PGC: variants seen among roughly 807,000 people sequenced by gnomAD.
The protein encoded by PGC is progastricsin.
PGC carries 31 observed loss-of-function variants against 45.9 expected under a neutral mutation model. That is an observed-to-expected ratio of 0.67 (90% CI 0.51 to 0.91). The LOEUF (loss-of-function observed/expected upper bound fraction) is 0.91, where lower values mean the gene tolerates loss of function less well. PGC is among the 40% of genes least tolerant of loss of function. The pLI is 0.00. For synonymous variants in PGC, 192 were observed against 201.8 expected (o/e 0.95, Z 0.41); for missense variants, 477 against 493.2 (o/e 0.97, Z 0.31).
At chr6:41,745,935 G>A (rs371959390) in intron 1 of PGC, among the ~76,000 whole-genome samples, 6 of 151,746 alleles carry the variant, frequency 4.0e-5, no homozygotes, top group African/African-American at 1.5e-4. Flanking sequence ...GGCCGAGGCG[G>A]GTGGATCACT....
At chr6:41,738,774 T>C (rs567340536) in intron 7 of PGC, among the ~76,000 whole-genome samples, 243 of 151,956 alleles carry the variant, frequency 1.6e-3, no homozygotes, top group Non-Finnish European at 1.6e-3. Context: ...CTGGCCAATA[T>C]GGTGAAACCT....
chr6:41,743,826 A>G (rs76178214), intron 3 of PGC, among the ~76,000 whole-genome samples: 105 of 152,332 alleles, frequency 6.9e-4, no homozygotes, highest in African/African-American at 2.5e-3. Flanking sequence ...GTCATAACAT[A>G]GGGTGGGGAC....
intron 7 of PGC, among the ~76,000 whole-genome samples, chr6:41,738,131 TGC>T (rs1771724108): frequency 7.5e-6 from 1 of 133,420 alleles, no homozygotes; most frequent in Non-Finnish European, 1.6e-5. Flanking sequence ...TACATATATA[TGC>T]ATATATATAT....
intron 1 of PGC, among the ~76,000 whole-genome samples, chr6:41,746,800 G>C (rs1298100177): frequency 6.6e-6 from 1 of 152,214 alleles, no homozygotes; most frequent in Non-Finnish European, 1.5e-5. Context: ...ATCTACTCCA[G>C]AGTTTTCTCC....
intron 3 of PGC, among the ~76,000 whole-genome samples, chr6:41,743,973 CT>C (rs773533073): frequency 3.3e-5 from 5 of 152,192 alleles, no homozygotes; most frequent in Non-Finnish European, 7.3e-5. Flanking sequence ...CTATATTGTT[CT>C]GTTGTGTCTC....
At position 41,747,381 on chromosome 6, in the gene PGC, T is replaced by C. The variant is rs1379163922; in HGVS notation, c.-47A>G. Reference sequence around the variant, plus strand: ...ACAGAGGAAGAGCAGCTCTGAGTTCTGCAGTCGCAGTGGAGTGAAGACCTG... The same window carrying C: ...ACAGAGGAAGAGCAGCTCTGAGTTCCGCAGTCGCAGTGGAGTGAAGACCTG... On this transcript the variant is annotated 5_prime_UTR_variant, in exon 1 of 9. Coordinates refer to ENST00000373025, the MANE Select transcript of PGC (RefSeq NM_002630.4). The C allele has an allele frequency of 2.6e-6, 4 of 1,545,748 alleles. No individual in the cohort carries two copies. Among genetic ancestry groups the C allele is most frequent in the African/African-American group, 2.7e-5 (2 of 73,528 alleles).
chr6:41,737,584 T>A (rs1561879256), intron 8 of PGC, 146 bp downstream of exon 8: 4 of 576,384 alleles, frequency 6.9e-6, no homozygotes, highest in Non-Finnish European at 1.3e-5. Context: ...GAGAAGGGGG[T>A]TTAGAATCAA....
chr6:41,743,199 G>A, intron 4 of PGC, 72 bp downstream of exon 4: 1 of 916,468 alleles, frequency 1.1e-6, no homozygotes, highest in Non-Finnish European at 1.8e-6. Context: ...CCGTGTTTCA[G>A]GAGAGTCCAT....
rs374783834 is a variant in PGC at position 41,740,610 on chromosome 6, G to C, written c.648C>G (p.Asn216Lys). 2 of 1,594,696 alleles carry C rather than the reference G, an allele frequency of 1.3e-6. No individual in the cohort carries two copies. The highest frequency in any genetic ancestry group is 2.7e-5 in the African/African-American group (2 of 73,756). Residue 216 changes from asparagine (N) to lysine (K), a missense_variant and splice_region_variant, in exon 6 of 9, where the codon AAC becomes AAG. Transcript: ENST00000373025. ...CCGCTCCCCCGCTGGAGCCCTGCTG[G>C]CTGCAGGAGAGAAAGGGAAGGGGAA... ...TSPVFSVYLS[N>K]QQGSSGGAVV...
At chr6:41,737,068 T>C in intron 8 of PGC, 64 bp from the exon 9 acceptor site, 1 of 1,494,396 alleles carries the variant, frequency 6.7e-7, no homozygotes, top group African/African-American at 1.4e-5. Flanking sequence ...CCTGCTCAGC[T>C]CTGAGCCCTG....
rs186012055 is a variant in PGC at position 41,742,415 on chromosome 6, C to T, written c.522G>A (p.Ala174=). The T allele has an allele frequency of 1.8e-5, 29 of 1,614,074 alleles. No individual in the cohort carries two copies. The highest frequency in any genetic ancestry group is 1.3e-4 in the African/African-American group (10 of 75,022). ...ENEPGTNFVY[A]QFDGIMGLAY... ...CCAGGCCCATGATGCCATCAAACTG[C>T]GCATAGACGAAGTTGGTACCAGGCT... Residue 174 remains alanine (A), a synonymous_variant, in exon 5 of 9, where the codon GCG becomes GCA. Coordinates refer to ENST00000373025, the MANE Select transcript of PGC (RefSeq NM_002630.4).
In PGC at chr6:41,743,318, A is replaced by T. The variant is rs1291284141; in HGVS notation, c.400T>A (p.Tyr134Asn). The stretch of plus-strand genomic sequence containing the variant: ...AAGCCGGTGAGGCTGCCACTGCCAT[A>T]CTGCAGGGAGAAGGTCTGCCCATTG... ...STNGQTFSLQ[Y>N]GSGSLTGFFG... The change falls in exon 4 of 9, where the codon TAT (tyrosine) becomes AAT (asparagine). Residue 134 changes from tyrosine (Y) to asparagine (N), a missense_variant. By Grantham distance (143) the Tyr-to-Asn change is moderately radical. Coordinates refer to ENST00000373025, the MANE Select transcript of PGC (RefSeq NM_002630.4). 1 of 1,613,898 alleles carries T rather than the reference A, an allele frequency of 6.2e-7. No individual in the cohort carries two copies. Among genetic ancestry groups the T allele is most frequent in the African/African-American group, 1.3e-5 (1 of 74,910 alleles).
At chr6:41,738,229 T>C (rs372966315) in intron 7 of PGC, among the ~76,000 whole-genome samples, 199 of 12,658 alleles carry the variant, frequency 0.016, 12 homozygotes, top group Non-Finnish European at 0.027. Context: ...TATATATGCA[T>C]ATATATATGT....
intron 5 of PGC, 51 bp downstream of exon 5, chr6:41,742,239 G>C (rs764115969): frequency 6.5e-7 from 1 of 1,537,954 alleles, no homozygotes; most frequent in Non-Finnish European, 9.0e-7. Context: ...GTCGTCCAGG[G>C]CGGCCGGGGG....
Position 41,747,265 on chromosome 6 carries a change from C to T in PGC, c.59+11G>A, listed in dbSNP as rs1476986042. 3.1e-6 allele frequency: 5 copies of T among 1,612,708 alleles called. No homozygotes were observed. Among genetic ancestry groups the T allele is most frequent in the Admixed American group, 3.3e-5 (2 of 59,994 alleles). ...AGGCTCCCTGCACCAGCAGCCAGAT[C>T]CCAGACTCACTTGACCACTGCTGCC... On this transcript the variant is annotated intron_variant, in intron 1 of 8. Coordinates refer to ENST00000373025, the MANE Select transcript of PGC (RefSeq NM_002630.4).
chr6:41,741,372 G>C, intron 5 of PGC: 1 of 720,476 alleles, frequency 1.4e-6, no homozygotes, highest in Non-Finnish European at 2.2e-6. Context: ...AAGGCCGGGC[G>C]CAGTGGCTCA....
Position 41,738,205 on chromosome 6 carries a change from T to TATATATATGC in PGC, c.916-387_916-378dup, listed in dbSNP as rs1561879858. Reference sequence around the variant, plus strand: ...ATATATATATGCATATATATATGCATATATATATGCATATATATATGCATA... The same window carrying TATATATATGC: ...ATATATATATGCATATATATATGCATATATATATGCATATATATGCATATATATATGCATA... On this transcript the variant is annotated intron_variant, in intron 7 of 8. Transcript: ENST00000373025. Among the ~76,000 whole-genome samples, 104 of 63,356 alleles carry TATATATATGC rather than the reference T, an allele frequency of 1.6e-3. 9 individuals are homozygous for TATATATATGC. Among genetic ancestry groups the TATATATATGC allele is most frequent in the Middle Eastern group, 0.019 (2 of 106 alleles). 41.6% of individuals were successfully genotyped at this position (63,356 alleles called of 152,430 possible).
rs1021879703 is a variant in PGC at position 41,744,601 on chromosome 6, C to T, written c.210+57G>A. ...GGGCAGAGGAGTGAAGGGACCTGCC[C>T]CTTCCCTCCAGCCCACACCAGAGAG... On this transcript the variant is annotated intron_variant, in intron 2 of 8. Coordinates refer to ENST00000373025, the MANE Select transcript of PGC (RefSeq NM_002630.4). The surrounding 1 kb of genome is among the most constrained non-coding windows in gnomAD (Gnocchi z 4.4). 1 of 1,600,846 alleles carries T rather than the reference C, an allele frequency of 6.2e-7. No individual in the cohort carries two copies. Among genetic ancestry groups the T allele is most frequent in the African/African-American group, 1.3e-5 (1 of 74,504 alleles).
intron 3 of PGC, among the ~76,000 whole-genome samples, chr6:41,743,861 G>C (rs1275221190): frequency 6.6e-6 from 1 of 152,186 alleles, no homozygotes; most frequent in Non-Finnish European, 1.5e-5. Flanking sequence ...TGGGCCAAAG[G>C]TATCAGGACC....
Sources: gnomAD v4.1 joint callset for allele counts (sites outside exome capture counted in the v4.1 genomes callset) on GRCh38, gnomAD v4.1.1 for gene constraint, Gnocchi (gnomAD v3.1) non-coding constraint, MANE v1.5 for transcripts, NCBI Gene and HGNC (gene_info 2026-07-23, HGNC 2026-07-21) for gene names.